The following ULK2 variants were observed in gnomAD, a reference collection of about 807,000 sequenced individuals.
ULK2 encodes unc-51 like autophagy activating kinase 2.
ULK2 carries 76 observed loss-of-function variants against 127.5 expected under a neutral mutation model. The observed-to-expected ratio is 0.60, with a 90% CI of 0.50 to 0.72. The LOEUF is 0.72. Ranked by LOEUF, ULK2 falls within the 30% of genes least tolerant of loss-of-function variation. The pLI is 0.00. For missense variants in ULK2, 1,144 were observed against 1,295.9 expected (o/e 0.88, Z 1.80); for synonymous variants, 452 against 461.9 (o/e 0.98, Z 0.28).
chr17:19,796,867 C>A (rs1017132825), intron 18 of ULK2, among the ~76,000 whole-genome samples: 1 of 152,164 alleles, frequency 6.6e-6, no homozygotes, highest in African/African-American at 2.4e-5. Context: ...GCTTGTGTGA[C>A]CTTGCACAAT....
intron 16 of ULK2, among the ~76,000 whole-genome samples, chr17:19,799,856 G>A (rs2087358243): frequency 6.6e-6 from 1 of 152,190 alleles, no homozygotes; most frequent in African/African-American, 2.4e-5. Flanking sequence ...ATGTCCATAA[G>A]ACAGGTAAGC....
intron 20 of ULK2, among the ~76,000 whole-genome samples, chr17:19,788,945 C>G (rs2087093183): frequency 6.6e-6 from 1 of 152,184 alleles, no homozygotes; most frequent in South Asian, 2.1e-4. Flanking sequence ...AGGTAGATTT[C>G]TAAGGTTTTT....
intron 14 of ULK2, among the ~76,000 whole-genome samples, chr17:19,806,811 A>G (rs1489905205): frequency 6.6e-6 from 1 of 152,238 alleles, no homozygotes; most frequent in Non-Finnish European, 1.5e-5. Flanking sequence ...GTGGACCGTC[A>G]TCTTGGACCC....
intron 21 of ULK2, among the ~76,000 whole-genome samples, chr17:19,784,531 T>C (rs2086987155): frequency 7.2e-6 from 1 of 139,738 alleles, no homozygotes; most frequent in Non-Finnish European, 1.5e-5. Context: ...TTTTTTTTTT[T>C]TTTTTTTTTT....
At chr17:19,858,040 C>T (rs985694719) in intron 3 of ULK2, among the ~76,000 whole-genome samples, 1 of 152,094 alleles carries the variant, frequency 6.6e-6, no homozygotes, top group Admixed American at 6.6e-5. Context: ...GTCCCATTTT[C>T]CTAGGCCCCA....
chr17:19,866,319 G>T (rs773275616), intron 1 of ULK2, among the ~76,000 whole-genome samples: 10 of 151,534 alleles, frequency 6.6e-5, no homozygotes, highest in Non-Finnish European at 1.5e-4. Context: ...GGCCAACGTG[G>T]TGAAACCCCA....
At chr17:19,781,242 C>CTTTTTTTTTTTTTTTTT (rs200296663) in intron 23 of ULK2, 138 bp from the exon 24 acceptor site, 15 of 472,146 alleles carry the variant, frequency 3.2e-5, no homozygotes, top group African/African-American at 9.6e-5. Flanking sequence ...TCTTTCTTTT[C>CTTTTTTTTTTTTTTTTT]TTTTTTTTTT....
chr17:19,852,159 A>C (rs2042031088), intron 3 of ULK2, among the ~76,000 whole-genome samples: 1 of 151,496 alleles, frequency 6.6e-6, no homozygotes, highest in South Asian at 2.1e-4. Context: ...CAGGAGGCGG[A>C]ATTTGCAGTG....
chr17:19,806,647 C>A (rs2087522169), intron 14 of ULK2, among the ~76,000 whole-genome samples: 1 of 152,168 alleles, frequency 6.6e-6, no homozygotes, highest in African/African-American at 2.4e-5. Flanking sequence ...ACAACTGCAG[C>A]CATTTTCCTG....
At chr17:19,842,190 C>CTTTTT (rs869294657) in intron 8 of ULK2, among the ~76,000 whole-genome samples, 158 of 88,358 alleles carry the variant, frequency 1.8e-3, no homozygotes, top group Middle Eastern at 0.012. Context: ...TTTTCTTTTT[C>CTTTTT]TTTTTTTTTT....
At chr17:19,805,919 G>A (rs2087505608) in intron 14 of ULK2, among the ~76,000 whole-genome samples, 2 of 152,160 alleles carry the variant, frequency 1.3e-5, no homozygotes, top group South Asian at 4.1e-4. Flanking sequence ...CAGCCAAGTG[G>A]AATTCCTAAT....
chr17:19,857,753 T>C (rs949716659), intron 3 of ULK2, among the ~76,000 whole-genome samples: 1 of 152,138 alleles, frequency 6.6e-6, no homozygotes, highest in African/African-American at 2.4e-5. Context: ...AACTCTTCAA[T>C]AGCTTTGTAC....
intron 5 of ULK2, 96 bp downstream of exon 5, chr17:19,849,273 G>T: frequency 9.5e-7 from 1 of 1,051,552 alleles, no homozygotes; most frequent in South Asian, 1.5e-5. Flanking sequence ...TTCTATACAA[G>T]AGCAGAAAAT....
At chr17:19,800,424 G>A (rs1327390273) in intron 16 of ULK2, among the ~76,000 whole-genome samples, 2 of 152,174 alleles carry the variant, frequency 1.3e-5, no homozygotes, top group Admixed American at 1.3e-4. Flanking sequence ...GATCCTTAGG[G>A]AAGGGCTTTA....
At chr17:19,830,620 A>T (rs1443709433) in intron 10 of ULK2, among the ~76,000 whole-genome samples, 2 of 698 alleles carry the variant, frequency 2.9e-3, no homozygotes, top group African/African-American at 0.013. Context: ...AGATTGTTTA[A>T]AAAAAAAAAA....
chr17:19,857,878 C>A (rs544525098), intron 3 of ULK2, among the ~76,000 whole-genome samples: 38 of 152,172 alleles, frequency 2.5e-4, no homozygotes, highest in African/African-American at 7.9e-4. Context: ...TCCAGTTCCT[C>A]AAACTCAGTG....
At chr17:19,828,050 A>T (rs1474764118) in intron 10 of ULK2, among the ~76,000 whole-genome samples, 2 of 152,230 alleles carry the variant, frequency 1.3e-5, no homozygotes, top group African/African-American at 4.8e-5. Flanking sequence ...AGGGATCCTT[A>T]ATAAGAATAT....
chr17:19,785,866 A>G, intron 21 of ULK2, 71 bp downstream of exon 21: 1 of 1,550,794 alleles, frequency 6.4e-7, no homozygotes, highest in Non-Finnish European at 8.7e-7. Context: ...AAGTTACAAC[A>G]CTGAGTCATT....
intron 20 of ULK2, among the ~76,000 whole-genome samples, 160 bp from the exon 21 acceptor site, chr17:19,786,246 C>T (rs205088): frequency 0.95 from 144,654 of 152,010 alleles, 69,003 homozygotes; most frequent in African/African-American, 0.99. Context: ...AATCAGAAAA[C>T]GTAATACAAT....
Sources: allele counts gnomAD v4.1 joint callset (sites outside exome capture counted in the v4.1 genomes callset), GRCh38; gene constraint gnomAD v4.1.1; transcripts MANE v1.5; gene names NCBI Gene and HGNC (gene_info 2026-07-23, HGNC 2026-07-21).